Variants in TTC3 observed in about 807,000 individuals in gnomAD.
The protein encoded by TTC3 is tetratricopeptide repeat domain 3.
Under a neutral mutation model 249.6 loss-of-function variants are expected in TTC3, and 180 were observed. The observed-to-expected ratio is 0.72, with a 90% CI of 0.64 to 0.82. TTC3 has a LOEUF of 0.82. Ranked by LOEUF, TTC3 falls within the 40% of genes least tolerant of loss-of-function variation. The pLI is 0.00. For synonymous variants in TTC3, 717 were observed against 805.0 expected (o/e 0.89, Z 1.85); for missense variants, 2,061 against 2,398.4 (o/e 0.86, Z 2.94).
At chr21:37,178,589 A>G (rs187401089) in intron 35 of TTC3, among the ~76,000 whole-genome samples, 5 of 152,266 alleles carry the variant, frequency 3.3e-5, no homozygotes, top group African/African-American at 9.6e-5. Flanking sequence ...AGCCATTTGT[A>G]TATCTTCTTT....
chr21:37,183,889 C>T (rs772150520), intron 36 of TTC3, among the ~76,000 whole-genome samples: 8 of 152,162 alleles, frequency 5.3e-5, no homozygotes, highest in Non-Finnish European at 1.2e-4. Context: ...TAGGCTTGGT[C>T]CAGATTCAAG....
chr21:37,200,905 T>G (rs968591376), intron 45 of TTC3, among the ~76,000 whole-genome samples: 2 of 152,200 alleles, frequency 1.3e-5, no homozygotes, highest in African/African-American at 4.8e-5. Context: ...GCATGCTCAC[T>G]GAAAGGAATT....
chr21:37,130,693 C>T (rs1283589135), intron 16 of TTC3, among the ~76,000 whole-genome samples: 1 of 152,126 alleles, frequency 6.6e-6, no homozygotes, highest in Admixed American at 6.6e-5. Flanking sequence ...ATTTGCTGTA[C>T]AGTATTTTGT....
intron 32 of TTC3, among the ~76,000 whole-genome samples, 176 bp downstream of exon 32, chr21:37,164,391 T>C (rs1401001339): frequency 1.3e-5 from 2 of 151,180 alleles, no homozygotes; most frequent in Admixed American, 1.3e-4. Context: ...CAGGCTGGAG[T>C]GCAGTGGTGC....
At chr21:37,082,352 T>G (rs748438455) in intron 1 of TTC3, 32 of 339,198 alleles carry the variant, frequency 9.4e-5, no homozygotes, top group Admixed American at 1.9e-4. Context: ...TTTTTTTTTC[T>G]GTTGTCTCTC....
At chr21:37,113,611 C>T (rs1408781630) in intron 11 of TTC3, among the ~76,000 whole-genome samples, 1 of 152,086 alleles carries the variant, frequency 6.6e-6, no homozygotes, top group Non-Finnish European at 1.5e-5. Flanking sequence ...CCATATTGCC[C>T]AAGGTAATTT....
chr21:37,190,795 C>T (rs1025014523), intron 39 of TTC3, among the ~76,000 whole-genome samples: 2 of 152,178 alleles, frequency 1.3e-5, no homozygotes, highest in Non-Finnish European at 2.9e-5. Context: ...ACTATACCCA[C>T]AGATTGGTAG....
At chr21:37,144,265 CA>C (rs1452905539) in intron 20 of TTC3, among the ~76,000 whole-genome samples, 1 of 151,642 alleles carries the variant, frequency 6.6e-6, no homozygotes, top group African/African-American at 2.4e-5. Flanking sequence ...TATATATAAA[CA>C]ACAAACAACA....
At position 37,074,424 on chromosome 21, in the gene TTC3, A is replaced by T. The variant is rs1046252220; in HGVS notation, c.-12+1060A>T. On this transcript the variant is annotated intron_variant, in intron 1 of 45. Coordinates refer to ENST00000355666, the Ensembl canonical transcript of TTC3. Reference sequence around the variant, plus strand: ...TTTTCCAGTGGCGCCCTGGACGCCAAAACCCCCTCAGTTGCAGAGACCTTT... The same window carrying T: ...TTTTCCAGTGGCGCCCTGGACGCCATAACCCCCTCAGTTGCAGAGACCTTT... 1.7e-4 allele frequency among the ~76,000 whole-genome samples: 26 copies of T among 152,340 alleles called. 1 individual carries two copies. The highest frequency in any genetic ancestry group is 1.3e-3 in the Admixed American group (20 of 15,310).
At chr21:37,140,940 A>T (rs543986399) in intron 20 of TTC3, among the ~76,000 whole-genome samples, 2 of 152,252 alleles carry the variant, frequency 1.3e-5, no homozygotes, top group Non-Finnish European at 2.9e-5. Flanking sequence ...AGTCTAGTGT[A>T]TAATCATCTA....
chr21:37,112,538 G>A (rs966626054), intron 11 of TTC3, among the ~76,000 whole-genome samples: 1 of 152,188 alleles, frequency 6.6e-6, no homozygotes, highest in African/African-American at 2.4e-5. Context: ...CTGAAGTTGA[G>A]CCAATAATTA....
intron 30 of TTC3, among the ~76,000 whole-genome samples, chr21:37,161,436 C>A (rs1327321685): frequency 6.6e-6 from 1 of 152,168 alleles, no homozygotes; most frequent in African/African-American, 2.4e-5. Context: ...CCACCATGCC[C>A]AGCTAATTTT....
At chr21:37,158,896 C>A (rs1467372608) in intron 28 of TTC3, among the ~76,000 whole-genome samples, 2 of 152,072 alleles carry the variant, frequency 1.3e-5, no homozygotes, top group Admixed American at 6.6e-5. Context: ...GTTGTCTTTC[C>A]ACAGTTAGAC....
chr21:37,124,698 A>G, exon 14 of TTC3: 1 of 1,613,914 alleles, frequency 6.2e-7, no homozygotes, highest in Non-Finnish European at 8.5e-7. Flanking sequence ...AGATTTCAGA[A>G]AAATTAATCA....
intron 34 of TTC3, 127 bp from the exon 35 acceptor site, chr21:37,172,468 C>A: frequency 9.5e-7 from 1 of 1,056,154 alleles, no homozygotes; most frequent in Non-Finnish European, 1.3e-6. Flanking sequence ...ATGATTGTGA[C>A]ATTTCCCTTG....
intron 27 of TTC3, among the ~76,000 whole-genome samples, chr21:37,155,778 G>A (rs1451633760): frequency 1.3e-5 from 2 of 152,192 alleles, no homozygotes; most frequent in Non-Finnish European, 2.9e-5. Context: ...CTAATTTGGA[G>A]AGTGGAGAAT....
chr21:37,104,873 G>A (rs2074923812), intron 10 of TTC3, among the ~76,000 whole-genome samples: 1 of 152,204 alleles, frequency 6.6e-6, no homozygotes, highest in Non-Finnish European at 1.5e-5. Flanking sequence ...TGGGCATTGG[G>A]CTTCTAGGAA....
chr21:37,192,166 C>T, exon 41 of TTC3: 1 of 1,610,546 alleles, frequency 6.2e-7, no homozygotes, highest in African/African-American at 1.3e-5. Context: ...GCTCAGTGAA[C>T]TTTCTAAAGT....
chr21:37,120,395 A>G (rs2076485447), intron 11 of TTC3, among the ~76,000 whole-genome samples: 1 of 152,222 alleles, frequency 6.6e-6, no homozygotes, highest in Non-Finnish European at 1.5e-5. Flanking sequence ...AAAAGGTGAG[A>G]AAAGTATGGA....
Sources: allele counts gnomAD v4.1 joint callset (sites outside exome capture counted in the v4.1 genomes callset), GRCh38; gene constraint gnomAD v4.1.1; transcripts MANE v1.5; gene names NCBI Gene and HGNC (gene_info 2026-07-23, HGNC 2026-07-21).